The following RIC1 variants were observed in gnomAD, a reference collection of about 807,000 sequenced individuals.
The protein encoded by RIC1 is guanine nucleotide exchange factor subunit RIC1.
A neutral mutation model predicts 169.0 loss-of-function variants in RIC1; 88 were observed. That is an observed-to-expected ratio of 0.52 (90% CI 0.44 to 0.62). The LOEUF is 0.62. RIC1 is among the 20% of genes least tolerant of loss of function. The probability of loss-of-function intolerance (pLI) is 0.00; values close to 1 mark genes in which losing one functional copy is unlikely to be tolerated. For synonymous variants in RIC1, 790 were observed against 601.5 expected (o/e 1.31, Z -4.59); for missense variants, 1,877 against 1,725.5 (o/e 1.09, Z -1.56).
At chr9:5,643,519 T>C (rs1206326579) in intron 1 of RIC1, among the ~76,000 whole-genome samples, 1 of 152,128 alleles carries the variant, frequency 6.6e-6, no homozygotes, top group Non-Finnish European at 1.5e-5. Flanking sequence ...AAAAAAAAGT[T>C]ATGAAAAATA....
At chr9:5,631,800 C>G (rs1266393856) in intron 1 of RIC1, among the ~76,000 whole-genome samples, 2 of 151,908 alleles carry the variant, frequency 1.3e-5, no homozygotes, top group Non-Finnish European at 2.9e-5. Context: ...TCTTCTCTTC[C>G]TGGGATATGC....
intron 2 of RIC1, among the ~76,000 whole-genome samples, chr9:5,664,623 G>C (rs568826863): frequency 6.6e-6 from 1 of 152,112 alleles, no homozygotes; most frequent in South Asian, 2.1e-4. Context: ...ATCTTACTGA[G>C]GTTTTCTGCA....
intron 3 of RIC1, among the ~76,000 whole-genome samples, chr9:5,694,874 C>A (rs924058226): frequency 1.3e-5 from 2 of 150,174 alleles, no homozygotes; most frequent in African/African-American, 4.9e-5. Flanking sequence ...AAATTATTTT[C>A]ATCCATCTGT....
chr9:5,713,850 G>A (rs1467417428), intron 3 of RIC1, 46 bp from the exon 4 acceptor site: 1 of 1,337,392 alleles, frequency 7.5e-7, no homozygotes, highest in Admixed American at 1.7e-5. Context: ...CCACAGAATG[G>A]AGGCAAATTC....
At chr9:5,745,786 C>T in intron 10 of RIC1, 145 bp from the exon 11 acceptor site, 1 of 645,168 alleles carries the variant, frequency 1.5e-6, no homozygotes, top group Non-Finnish European at 2.6e-6. Flanking sequence ...TGATTCTTGT[C>T]TGTGTTATCA....
chr9:5,654,407 C>G (rs1189629762), intron 1 of RIC1, among the ~76,000 whole-genome samples: 1 of 152,046 alleles, frequency 6.6e-6, no homozygotes, highest in Non-Finnish European at 1.5e-5. Flanking sequence ...CCACCATGTC[C>G]AGCTAATTTT....
intron 2 of RIC1, among the ~76,000 whole-genome samples, chr9:5,677,230 T>C (rs575763636): frequency 6.6e-5 from 10 of 152,350 alleles, no homozygotes; most frequent in African/African-American, 2.4e-4. Context: ...GGTAGTGGTG[T>C]AGTGATATCT....
rs113236827 is a variant in RIC1 at position 5,774,089 on chromosome 9, C to T, written c.4115C>T (p.Pro1372Leu). 3.7e-5 allele frequency: 59 copies of T among 1,614,050 alleles called. No homozygotes were observed. Among genetic ancestry groups the T allele is most frequent in the African/African-American group, 2.0e-4 (15 of 75,012 alleles). ...TMGKTPEQTS[P>L]RAEESRGSSS... ...GGTAAGACTCCAGAACAGACTAGCC[C>T]CCGGGCAGAGGAGAGCAGGGGCTCC... Residue 1372 changes from proline to leucine, a missense_variant, in exon 26 of 26, where the codon CCC (proline) becomes CTC (leucine). Physicochemically the swap from Pro to Leu is moderately conservative, Grantham distance 98. Around this residue, in one of 3 missense-constraint regions of RIC1, gnomAD observed 681 missense variants for 582.0 expected, o/e 1.17. Coordinates refer to ENST00000414202, the MANE Select transcript of RIC1 (RefSeq NM_020829.4).
intron 1 of RIC1, among the ~76,000 whole-genome samples, chr9:5,649,104 C>T (rs1222607587): frequency 6.6e-6 from 1 of 151,916 alleles, no homozygotes; most frequent in Non-Finnish European, 1.5e-5. Flanking sequence ...CACTTCACTC[C>T]AGCCTGGCAA....
At chr9:5,756,891 C>A (rs1826046367) in intron 16 of RIC1, among the ~76,000 whole-genome samples, 1 of 152,194 alleles carries the variant, frequency 6.6e-6, no homozygotes, top group African/African-American at 2.4e-5. Flanking sequence ...GACCACACCT[C>A]TTGAGTTTTA....
chr9:5,765,603 G>C, intron 20 of RIC1, 31 bp downstream of exon 20: 1 of 1,614,020 alleles, frequency 6.2e-7, no homozygotes, highest in Non-Finnish European at 8.5e-7. Flanking sequence ...ATCTTCTCTA[G>C]GCCATACACC....
At chr9:5,704,786 T>G (rs951072725) in intron 3 of RIC1, among the ~76,000 whole-genome samples, 3 of 152,190 alleles carry the variant, frequency 2.0e-5, no homozygotes, top group Admixed American at 2.0e-4. Context: ...TCTTCTATTT[T>G]TTTAAGAATA....
chr9:5,748,312 A>G (rs975812547), intron 12 of RIC1, among the ~76,000 whole-genome samples: 1 of 152,016 alleles, frequency 6.6e-6, no homozygotes, highest in African/African-American at 2.4e-5. Flanking sequence ...CTATATGTTT[A>G]CCCTACTAGC....
In RIC1 at chr9:5,763,331, C is replaced by T. The variant is rs993347581; in HGVS notation, c.2304C>T (p.Ile768=). 4 of 1,614,204 alleles carry T rather than the reference C, an allele frequency of 2.5e-6. No individual in the cohort carries two copies. In the Middle Eastern group the frequency reaches 4.9e-4, roughly 200 times the overall value. Residue 768 remains isoleucine (I), a synonymous_variant, in exon 19 of 26, where the codon ATC becomes ATT. Coordinates refer to ENST00000414202, the MANE Select transcript of RIC1 (RefSeq NM_020829.4). The surrounding 1 kb of genome is among the most constrained non-coding windows in gnomAD (Gnocchi z 5.2). Reference sequence around the variant, plus strand: ...CCCATTCCTTCTTGTCCCAGCGGATCATGCTGCCTTTCCACATCAACATTT... The same window carrying T: ...CCCATTCCTTCTTGTCCCAGCGGATTATGCTGCCTTTCCACATCAACATTT... The part of the protein sequence containing the change: ...RKPHSFLSQR[I]MLPFHINIYP...
At chr9:5,630,766 A>G (rs1233557600) in intron 1 of RIC1, among the ~76,000 whole-genome samples, 1 of 152,202 alleles carries the variant, frequency 6.6e-6, no homozygotes, top group Non-Finnish European at 1.5e-5. Flanking sequence ...GTGTGTGTGT[A>G]TATATATAAA....
chr9:5,718,717 T>G (rs1219168801), intron 4 of RIC1, among the ~76,000 whole-genome samples: 2 of 152,226 alleles, frequency 1.3e-5, no homozygotes, highest in Non-Finnish European at 2.9e-5. Context: ...CACTGAAATA[T>G]AAATTTGAAA....
intron 3 of RIC1, among the ~76,000 whole-genome samples, chr9:5,702,530 GTTTTTGTT>G (rs752963328): frequency 0.012 from 1,500 of 122,330 alleles, 31 homozygotes; most frequent in African/African-American, 0.072. Context: ...TTTTGTTTTT[GTTTTTGTT>G]TTTGTTTGTT....
At chr9:5,631,198 C>T (rs938924554) in intron 1 of RIC1, among the ~76,000 whole-genome samples, 1 of 152,158 alleles carries the variant, frequency 6.6e-6, no homozygotes, top group African/African-American at 2.4e-5. Flanking sequence ...ATCTAGAAAT[C>T]CAAGGCAGTT....
chr9:5,687,058 C>T (rs562956171), intron 2 of RIC1, among the ~76,000 whole-genome samples: 8 of 152,230 alleles, frequency 5.3e-5, no homozygotes, highest in African/African-American at 1.2e-4. Flanking sequence ...GATTTCTTTT[C>T]AGTGAACTTT....
Sources: allele counts gnomAD v4.1 joint callset (sites outside exome capture counted in the v4.1 genomes callset), GRCh38; gene constraint gnomAD v4.1.1; regional missense constraint gnomAD v4.1.1; non-coding constraint Gnocchi (gnomAD v3.1); transcripts MANE v1.5; gene names NCBI Gene and HGNC (gene_info 2026-07-23, HGNC 2026-07-21).